The following HNRNPA1L2 variants were observed in gnomAD, a reference collection of about 807,000 sequenced individuals.
HNRNPA1L2 encodes heterogeneous nuclear ribonucleoprotein A1-like 2.
Under a neutral mutation model 18.2 loss-of-function variants are expected in HNRNPA1L2, and 10 were observed. The ratio of observed to expected loss-of-function variants is 0.55; its 90% CI spans 0.34 to 0.93. The LOEUF (loss-of-function observed/expected upper bound fraction) is 0.93, where lower values mean the gene tolerates loss of function less well. HNRNPA1L2 is among the 40% of genes least tolerant of loss of function. The probability of loss-of-function intolerance (pLI) is 0.02; values close to 1 mark genes in which losing one functional copy is unlikely to be tolerated. For synonymous variants in HNRNPA1L2, 124 were observed against 138.6 expected, an observed-to-expected ratio of 0.89 and a Z score of 0.74; for missense variants, 308 against 394.4, an observed-to-expected ratio of 0.78 and a Z score of 1.85.
chr13:52,639,579 G>A (rs960374327), upstream of HNRNPA1L2, among the ~76,000 whole-genome samples: 5 of 151,732 alleles, frequency 3.3e-5, no homozygotes, highest in Non-Finnish European at 7.4e-5. Flanking sequence ...GCAAAGAGAA[G>A]TGCTCTGAGT....
the HNRNPA1L2 span, among the ~76,000 whole-genome samples, chr13:52,628,894 A>G: frequency 6.6e-6 from 1 of 151,802 alleles, no homozygotes; most frequent in South Asian, 2.1e-4. Flanking sequence ...ATTTTTTTGG[A>G]GACAAAGTTT....
chr13:52,632,743 A>C, the HNRNPA1L2 span, among the ~76,000 whole-genome samples: 1 of 152,222 alleles, frequency 6.6e-6, no homozygotes, highest in African/African-American at 2.4e-5. Context: ...GGACTTACCT[A>C]CTGGACATTT....
chr13:52,633,539 T>G, the HNRNPA1L2 span, among the ~76,000 whole-genome samples: 2 of 152,268 alleles, frequency 1.3e-5, no homozygotes, highest in African/African-American at 4.8e-5. Flanking sequence ...GTTTTTTGGA[T>G]TTTGATAGAA....
the HNRNPA1L2 span, among the ~76,000 whole-genome samples, chr13:52,623,762 A>G: frequency 6.6e-6 from 1 of 152,314 alleles, no homozygotes; most frequent in East Asian, 1.9e-4. Context: ...TATGGTTACC[A>G]TAGTTACACT....
chr13:52,619,780 G>T, the HNRNPA1L2 span, among the ~76,000 whole-genome samples: 3 of 151,986 alleles, frequency 2.0e-5, no homozygotes, highest in African/African-American at 7.2e-5. Flanking sequence ...AATTAGCCGG[G>T]CGTGGTGGCG....
the HNRNPA1L2 span, among the ~76,000 whole-genome samples, chr13:52,634,757 A>G: frequency 1.3e-5 from 2 of 152,220 alleles, no homozygotes; most frequent in South Asian, 2.1e-4. Flanking sequence ...CAGAGTCGAC[A>G]GGCAGTATAG....
Position 52,643,555 on chromosome 13 carries a change from G to A in HNRNPA1L2, c.*100G>A, listed in dbSNP as rs1248873879. The stretch of plus-strand genomic sequence containing the variant: ...AACTCAGCCAAGCACAGTGGTGGCA[G>A]GGCCTAGCTGCTACAAAGAAGACAT... On this transcript the variant is annotated 3_prime_UTR_variant, in exon 1 of 1. Transcript: ENST00000357495. 5 of 896,506 alleles carry A rather than the reference G, an allele frequency of 5.6e-6. No individual in the cohort carries two copies. The highest frequency in any genetic ancestry group is 8.9e-6 in the Non-Finnish European group (5 of 560,886). The allele number at this position is 896,506 out of a possible 1,614,324, so 55.5% of individuals were successfully genotyped here. A position where few individuals can be genotyped will look rare whatever the true frequency, so the allele number is the denominator to read the frequency against.
the HNRNPA1L2 span, among the ~76,000 whole-genome samples, chr13:52,628,226 TG>T: frequency 6.6e-6 from 1 of 152,198 alleles, no homozygotes; most frequent in Non-Finnish European, 1.5e-5. Context: ...GAGGATCACT[TG>T]AGGCCAGGAA....
At chr13:52,640,324 T>C (rs1961618617), upstream of HNRNPA1L2, among the ~76,000 whole-genome samples, 1 of 152,240 alleles carries the variant, frequency 6.6e-6, no homozygotes, top group South Asian at 2.1e-4. Context: ...GTACAGTTTG[T>C]ATTTTTAACT....
At chr13:52,639,454 A>G (rs1594214749), upstream of HNRNPA1L2, among the ~76,000 whole-genome samples, 1 of 152,182 alleles carries the variant, frequency 6.6e-6, no homozygotes, top group East Asian at 1.9e-4. Context: ...CAGCTGCGAC[A>G]AATTTAATGT....
chr13:52,641,134 A>G (rs1961642787), upstream of HNRNPA1L2: 1 of 152,216 alleles, frequency 6.6e-6, no homozygotes, highest in Non-Finnish European at 1.5e-5. Context: ...CAACTCCTGA[A>G]TAAGACATGG....
the HNRNPA1L2 span, among the ~76,000 whole-genome samples, chr13:52,630,112 A>T: frequency 1.3e-5 from 2 of 152,192 alleles, no homozygotes; most frequent in Admixed American, 1.3e-4. Flanking sequence ...AAGTTCTTAA[A>T]GATGGTGAGC....
the HNRNPA1L2 span, chr13:52,621,858 G>A: frequency 6.6e-6 from 1 of 151,708 alleles, no homozygotes; most frequent in Non-Finnish European, 1.5e-5. Context: ...AGTTGCTGCT[G>A]CTATGGTTGT....
the HNRNPA1L2 span, chr13:52,629,484 A>C: frequency 6.2e-6 from 1 of 160,106 alleles, no homozygotes; most frequent in Non-Finnish European, 1.4e-5. Flanking sequence ...ATGCATTTAC[A>C]TCTGTGTTCT....
At chr13:52,636,932 A>C in the HNRNPA1L2 span, among the ~76,000 whole-genome samples, 1 of 152,112 alleles carries the variant, frequency 6.6e-6, no homozygotes, top group African/African-American at 2.4e-5. Flanking sequence ...CCTGGGTTCA[A>C]GCGGTTCTCC....
chr13:52,618,386 T>C, the HNRNPA1L2 span, among the ~76,000 whole-genome samples: 1 of 152,214 alleles, frequency 6.6e-6, no homozygotes, highest in African/African-American at 2.4e-5. Context: ...TTTATTGTTA[T>C]GAAAGCCTAA....
chr13:52,617,720 G>A, the HNRNPA1L2 span: 1 of 434,198 alleles, frequency 2.3e-6, no homozygotes, highest in Non-Finnish European at 4.2e-6. Flanking sequence ...GCAGGTCCTC[G>A]GGCATCCCTG....
At chr13:52,629,304 G>T in the HNRNPA1L2 span, 2 of 214,404 alleles carry the variant, frequency 9.3e-6, no homozygotes, top group South Asian at 9.1e-5. Context: ...GATTCAGTTT[G>T]ACCAAGGCTA....
the HNRNPA1L2 span, among the ~76,000 whole-genome samples, chr13:52,623,252 TTTTAA>T: frequency 3.3e-5 from 5 of 152,226 alleles, no homozygotes; most frequent in Non-Finnish European, 7.3e-5. Context: ...ATGCCCTTTA[TTTTAA>T]TTTAATTAAC....
Sources: gnomAD v4.1 joint callset for allele counts (sites outside exome capture counted in the v4.1 genomes callset) on GRCh38, gnomAD v4.1.1 for gene constraint, MANE v1.5 for transcripts, NCBI Gene and HGNC (gene_info 2026-07-23, HGNC 2026-07-21) for gene names.